Variants in VPS13B observed in about 807,000 individuals in gnomAD.
The protein encoded by VPS13B is vacuolar protein sorting 13 homolog B.
In VPS13B, 285 loss-of-function variants were observed where a neutral mutation model predicts 426.4. That is an observed-to-expected ratio of 0.67 (90% CI 0.61 to 0.74). The LOEUF (loss-of-function observed/expected upper bound fraction) is 0.74, where lower values mean the gene tolerates loss of function less well. Ranked by LOEUF, VPS13B falls within the 30% of genes least tolerant of loss-of-function variation. VPS13B has a pLI of 0.00. For synonymous variants in VPS13B, 1,676 were observed against 1,676.4 expected (o/e 1.00, Z 0.01); for missense variants, 4,537 against 4,782.6 (o/e 0.95, Z 1.51).
At chr8:99,095,852 A>T (rs1438686987) in intron 3 of VPS13B, among the ~76,000 whole-genome samples, 1 of 152,202 alleles carries the variant, frequency 6.6e-6, no homozygotes, top group Non-Finnish European at 1.5e-5. Flanking sequence ...GGAGAGGATT[A>T]TAAGGATTAT....
intron 17 of VPS13B, among the ~76,000 whole-genome samples, chr8:99,223,157 T>TG (rs1815823296): frequency 1.3e-5 from 2 of 152,194 alleles, no homozygotes; most frequent in Non-Finnish European, 2.9e-5. Flanking sequence ...AATTAGTATG[T>TG]GGGAAACTTT....
intron 21 of VPS13B, among the ~76,000 whole-genome samples, chr8:99,418,544 CTT>C (rs1816197473): frequency 2.3e-5 from 2 of 86,214 alleles, no homozygotes; most frequent in East Asian, 3.0e-4. Context: ...CTTTTCTTTT[CTT>C]TTCTTTTCTT....
chr8:99,640,001 T>TAAGAAG (rs1411599948), intron 33 of VPS13B, among the ~76,000 whole-genome samples: 1 of 59,722 alleles, frequency 1.7e-5, no homozygotes, highest in African/African-American at 7.5e-5. Flanking sequence ...ATAATAATAA[T>TAAGAAG]AATAATAATA....
At chr8:99,447,888 A>G (rs2133452966) in intron 23 of VPS13B, among the ~76,000 whole-genome samples, 1 of 151,950 alleles carries the variant, frequency 6.6e-6, no homozygotes, top group African/African-American at 2.4e-5. Context: ...TTTTCAAATG[A>G]TTTTATAAAA....
chr8:99,245,142 C>A (rs1817148019), intron 17 of VPS13B, among the ~76,000 whole-genome samples: 1 of 152,180 alleles, frequency 6.6e-6, no homozygotes. Context: ...ACACAGTCCT[C>A]AGTGTCAAAT....
At chr8:99,282,643 A>G (rs1256225893) in intron 19 of VPS13B, among the ~76,000 whole-genome samples, 3 of 152,190 alleles carry the variant, frequency 2.0e-5, no homozygotes, top group Non-Finnish European at 4.4e-5. Context: ...TCAGATGCAC[A>G]TGCTATTTTT....
intron 34 of VPS13B, among the ~76,000 whole-genome samples, chr8:99,648,764 G>T (rs1258474409): frequency 2.0e-5 from 3 of 152,010 alleles, no homozygotes; most frequent in African/African-American, 7.3e-5. Context: ...ATATTTTAAA[G>T]AACTGAAGAG....
chr8:99,436,642 C>T (rs1189149838), intron 22 of VPS13B, among the ~76,000 whole-genome samples: 1 of 152,114 alleles, frequency 6.6e-6, no homozygotes, highest in African/African-American at 2.4e-5. Flanking sequence ...TTAAACATTT[C>T]CAGATGTTAA....
chr8:99,191,992 A>C (rs1211891408), intron 16 of VPS13B, among the ~76,000 whole-genome samples: 5 of 152,148 alleles, frequency 3.3e-5, no homozygotes, highest in African/African-American at 9.7e-5. Flanking sequence ...TGTGGGGTTA[A>C]GGAAAGAGCA....
chr8:99,563,102 G>A (rs903003888), intron 31 of VPS13B, among the ~76,000 whole-genome samples: 1 of 152,126 alleles, frequency 6.6e-6, no homozygotes, highest in Non-Finnish European at 1.5e-5. Context: ...GTTCAAGGCT[G>A]CATTGCGCTA....
intron 30 of VPS13B, among the ~76,000 whole-genome samples, chr8:99,534,944 C>A (rs1823121107): frequency 6.6e-6 from 1 of 152,012 alleles, no homozygotes; most frequent in Non-Finnish European, 1.5e-5. Flanking sequence ...AATCTTTGAC[C>A]AACTTCAAGT....
chr8:99,620,986 C>CAAAA (rs397892235), intron 33 of VPS13B, among the ~76,000 whole-genome samples: 3 of 50,840 alleles, frequency 5.9e-5, no homozygotes, highest in East Asian at 4.3e-4. Flanking sequence ...AACTCCATCT[C>CAAAA]AAAAAAAAAA....
chr8:99,348,651 A>G (rs1811679599), intron 19 of VPS13B, among the ~76,000 whole-genome samples: 1 of 152,214 alleles, frequency 6.6e-6, no homozygotes, highest in Non-Finnish European at 1.5e-5. Context: ...TTTAAATGAT[A>G]TAAAATTGGT....
intron 34 of VPS13B, among the ~76,000 whole-genome samples, chr8:99,655,741 AAAGAAG>A (rs981427243): frequency 8.5e-5 from 13 of 152,338 alleles, no homozygotes; most frequent in Admixed American, 3.3e-4. Flanking sequence ...AAAAGGTTAA[AAAGAAG>A]AAGAAGAAAA....
At position 99,121,410 on chromosome 8, in the gene VPS13B, G is replaced by A; in HGVS notation, c.1171G>A (p.Gly391Arg). ...QTLKDPIVSI[G>R]FYCTKATVTF... ...TTTGAAGGATCCTATTGTTTCTATA[G>A]GATTTTATTGCACAAAGGCAACGGT... Residue 391 changes from glycine (G) to arginine (R), a missense_variant, in exon 8 of 62, where the codon GGA becomes AGA. Gly to Arg is a moderately radical substitution (Grantham distance 125, BLOSUM62 -2). This residue lies in a region of VPS13B where 4,311 missense variants were observed against 4,474.3 expected (regional missense o/e 0.96). Transcript: ENST00000357162. 1 of 1,614,158 alleles carries A rather than the reference G, an allele frequency of 6.2e-7. No homozygotes were observed. Among genetic ancestry groups the A allele is most frequent in the African/African-American group, 1.3e-5 (1 of 75,038 alleles).
Position 99,600,365 on chromosome 8 carries a change from T to C in VPS13B, c.5220+22732T>C, listed in dbSNP as rs532198607. Among the ~76,000 whole-genome samples, 7 of 152,270 alleles carry C rather than the reference T, an allele frequency of 4.6e-5. 1 individual carries two copies. The highest frequency in any genetic ancestry group is 1.7e-4 in the African/African-American group (7 of 41,554). On this transcript the variant is annotated intron_variant, in intron 33 of 61. Transcript: ENST00000357162. The stretch of plus-strand genomic sequence containing the variant: ...CTCACATACACACCCCACTTGAGAA[T>C]ATATTGGTTAGAAGCACTACAGTTT...
chr8:99,435,045 C>T (rs1817300100), intron 22 of VPS13B, among the ~76,000 whole-genome samples: 1 of 152,102 alleles, frequency 6.6e-6, no homozygotes, highest in Non-Finnish European at 1.5e-5. Context: ...TGTAGGGAGC[C>T]CCTTAGAAAA....
intron 27 of VPS13B, 120 bp downstream of exon 27, chr8:99,503,070 G>A (rs928352637): frequency 3.4e-5 from 24 of 697,366 alleles, no homozygotes; most frequent in African/African-American, 2.2e-4. Context: ...GGCATACCTC[G>A]GACATATTGA....
chr8:99,410,013 A>G (rs1815546956), intron 21 of VPS13B, among the ~76,000 whole-genome samples: 2 of 152,184 alleles, frequency 1.3e-5, no homozygotes, highest in Non-Finnish European at 2.9e-5. Context: ...AATGGACATG[A>G]GACTAAAAAG....
Sources: gnomAD v4.1 joint callset for allele counts (sites outside exome capture counted in the v4.1 genomes callset) on GRCh38, gnomAD v4.1.1 for gene constraint, gnomAD v4.1.1 regional missense constraint, MANE v1.5 for transcripts, NCBI Gene and HGNC (gene_info 2026-07-23, HGNC 2026-07-21) for gene names.